The following RANBP17 variants were observed in gnomAD, a reference collection of about 807,000 sequenced individuals.
RANBP17 encodes the protein ran-binding protein 17.
RANBP17 carries 158 observed loss-of-function variants against 141.2 expected under a neutral mutation model. The observed-to-expected ratio is 1.12, with a 90% confidence interval of 0.98 to 1.28. The LOEUF is 1.28. Ranked by LOEUF, RANBP17 falls within the 50% of genes most tolerant of loss-of-function variation. RANBP17 has a pLI of 0.00. For synonymous variants in RANBP17, 430 were observed against 450.0 expected (o/e 0.96, Z 0.56); for missense variants, 1,438 against 1,290.7 (o/e 1.11, Z -1.75).
At chr5:171,023,905 A>G (rs1277964073) in intron 14 of RANBP17, among the ~76,000 whole-genome samples, 6 of 152,232 alleles carry the variant, frequency 3.9e-5, no homozygotes, top group African/African-American at 1.2e-4. Flanking sequence ...TCTTGGATCA[A>G]AAGTGTTACT....
chr5:170,940,055 T>C (rs1774203743), intron 12 of RANBP17, among the ~76,000 whole-genome samples: 1 of 152,198 alleles, frequency 6.6e-6, no homozygotes, highest in Non-Finnish European at 1.5e-5. Flanking sequence ...AGATATGTTA[T>C]TAATCCAATA....
intron 24 of RANBP17, among the ~76,000 whole-genome samples, chr5:171,253,330 A>G (rs1198537757): frequency 6.6e-6 from 1 of 152,232 alleles, no homozygotes; most frequent in Non-Finnish European, 1.5e-5. Flanking sequence ...GGTGCAGTAG[A>G]AAGAATCGGA....
chr5:170,893,240 CAA>C lies in RANBP17; in HGVS notation c.423+697_423+698del, dbSNP rs33981595. ...ACATAAATTCAGATATATGGACAGCCAAAAAAAAAAACCAAACCAAACCAAAA... is the reference window on the plus strand; with the variant it reads ...ACATAAATTCAGATATATGGACAGCCAAAAAAAAACCAAACCAAACCAAAA... On this transcript the variant is annotated intron_variant, in intron 4 of 27. Coordinates refer to ENST00000523189, the MANE Select transcript of RANBP17 (RefSeq NM_022897.5). Among the ~76,000 whole-genome samples, 646 of 146,298 alleles carry C rather than the reference CAA, an allele frequency of 4.4e-3. 3 individuals carry two copies. Among genetic ancestry groups the C allele is most frequent in the Non-Finnish European group, 6.3e-3 (417 of 66,602 alleles).
At chr5:170,951,745 G>T (rs1234333199) in intron 12 of RANBP17, among the ~76,000 whole-genome samples, 1 of 152,052 alleles carries the variant, frequency 6.6e-6, no homozygotes, top group Non-Finnish European at 1.5e-5. Context: ...TTTCAGTGAA[G>T]CTGTTCAAAA....
chr5:171,230,319 T>C (rs556192448), intron 22 of RANBP17, among the ~76,000 whole-genome samples: 79 of 152,308 alleles, frequency 5.2e-4, no homozygotes, highest in African/African-American at 1.7e-3. Context: ...GAATAGATTT[T>C]ACAAAGCACA....
At chr5:170,922,565 G>C (rs1168502530) in intron 11 of RANBP17, among the ~76,000 whole-genome samples, 1 of 152,178 alleles carries the variant, frequency 6.6e-6, no homozygotes, top group East Asian at 1.9e-4. Flanking sequence ...ATCGCAGTTT[G>C]ATCTCAGACT....
At chr5:171,160,987 G>A (rs1456710830) in intron 14 of RANBP17, among the ~76,000 whole-genome samples, 1 of 152,078 alleles carries the variant, frequency 6.6e-6, no homozygotes, top group Non-Finnish European at 1.5e-5. Context: ...AGAAGTAGAA[G>A]CAGGGTTTCA....
intron 14 of RANBP17, among the ~76,000 whole-genome samples, chr5:171,078,309 C>T (rs1182201820): frequency 1.3e-5 from 2 of 151,846 alleles, no homozygotes; most frequent in Non-Finnish European, 2.9e-5. Context: ...ATTACAGGCA[C>T]CTGCCACCAC....
chr5:171,147,405 T>TG (rs1240821780), intron 14 of RANBP17, among the ~76,000 whole-genome samples: 4 of 146,808 alleles, frequency 2.7e-5, no homozygotes, highest in Non-Finnish European at 4.5e-5. Flanking sequence ...TTGTGTGTTT[T>TG]TTTTTTTTTT....
chr5:171,167,544 T>G (rs2127873275), intron 14 of RANBP17, among the ~76,000 whole-genome samples: 1 of 152,338 alleles, frequency 6.6e-6, no homozygotes, highest in Non-Finnish European at 1.5e-5. Context: ...TATTATTAAT[T>G]TCATTTATCT....
intron 14 of RANBP17, among the ~76,000 whole-genome samples, chr5:171,166,306 GA>G (rs1331021108): frequency 6.6e-6 from 1 of 152,100 alleles, no homozygotes; most frequent in Non-Finnish European, 1.5e-5. Flanking sequence ...TTCTCTGAAG[GA>G]TGACCACACA....
chr5:171,124,805 C>T (rs543709731), intron 14 of RANBP17, among the ~76,000 whole-genome samples: 1 of 152,058 alleles, frequency 6.6e-6, no homozygotes, highest in African/African-American at 2.4e-5. Context: ...AAGACCAGAA[C>T]AAACGATATA....
intron 24 of RANBP17, chr5:171,252,293 A>G: frequency 6.4e-7 from 1 of 1,552,776 alleles, no homozygotes; most frequent in Non-Finnish European, 8.8e-7. Flanking sequence ...ATTAATAATG[A>G]AAATAATAAC....
intron 1 of RANBP17, among the ~76,000 whole-genome samples, chr5:170,868,815 T>C (rs1362320077): frequency 6.6e-6 from 1 of 152,184 alleles, no homozygotes; most frequent in African/African-American, 2.4e-5. Context: ...CAGTTTACTA[T>C]AAAAAATAAA....
intron 14 of RANBP17, among the ~76,000 whole-genome samples, chr5:171,087,551 G>A (rs1373469135): frequency 4.6e-5 from 7 of 151,772 alleles, no homozygotes; most frequent in South Asian, 2.1e-4. Flanking sequence ...TCTGTCTAAT[G>A]TTGACAGTGG....
At chr5:170,932,256 T>G (rs2127459538) in intron 12 of RANBP17, among the ~76,000 whole-genome samples, 1 of 152,346 alleles carries the variant, frequency 6.6e-6, no homozygotes, top group African/African-American at 2.4e-5. Flanking sequence ...CACACTGATT[T>G]TGTATCCTGA....
At chr5:171,007,315 G>A (rs768660999) in intron 14 of RANBP17, among the ~76,000 whole-genome samples, 70 of 152,012 alleles carry the variant, frequency 4.6e-4, no homozygotes, top group Non-Finnish European at 9.1e-4. Context: ...GTCGGGCAGT[G>A]GGGGAGAGCT....
intron 24 of RANBP17, among the ~76,000 whole-genome samples, chr5:171,248,104 C>T (rs1399164215): frequency 2.6e-5 from 4 of 152,136 alleles, no homozygotes; most frequent in South Asian, 2.1e-4. Flanking sequence ...CGTTGGCTAA[C>T]GCCTGTAATC....
At chr5:171,039,250 T>G (rs1419613367) in intron 14 of RANBP17, among the ~76,000 whole-genome samples, 3 of 149,246 alleles carry the variant, frequency 2.0e-5, no homozygotes, top group East Asian at 3.9e-4. Context: ...TGTTGGTTTT[T>G]TTTTTTTTTT....
Sources: allele counts gnomAD v4.1 joint callset (sites outside exome capture counted in the v4.1 genomes callset), GRCh38; gene constraint gnomAD v4.1.1; transcripts MANE v1.5; gene names NCBI Gene and HGNC (gene_info 2026-07-23, HGNC 2026-07-21).